LUC7L3: variants seen among roughly 807,000 people sequenced by gnomAD.
LUC7L3 encodes the protein LUC7 like 3 pre-mRNA splicing factor, also known as luc7-like protein 3.
Under a neutral mutation model 66.8 loss-of-function variants are expected in LUC7L3, and 6 were observed. The observed-to-expected ratio is 0.09, with a 90% confidence interval of 0.05 to 0.18. The LOEUF is 0.18. Ranked by LOEUF, LUC7L3 falls within the 10% of genes least tolerant of loss-of-function variation. LUC7L3 has a pLI of 1.00. For synonymous variants in LUC7L3, 160 were observed against 174.7 expected, an observed-to-expected ratio of 0.92 and a Z score of 0.66; for missense variants, 341 against 531.1, an observed-to-expected ratio of 0.64 and a Z score of 3.52.
intron 1 of LUC7L3, 69 bp from the exon 2 acceptor site, chr17:50,736,891 T>A (rs540828700): frequency 4.5e-6 from 4 of 887,946 alleles, no homozygotes; most frequent in East Asian, 2.5e-5. Context: ...AAATAGTTAT[T>A]TGGCACCTTT....
chr17:50,730,322 A>G (rs1184748363), intron 1 of LUC7L3, among the ~76,000 whole-genome samples: 1 of 151,986 alleles, frequency 6.6e-6, no homozygotes, highest in African/African-American at 2.4e-5. Context: ...ACAGGCCAGG[A>G]GTTCGAGATC....
intron 5 of LUC7L3, 108 bp downstream of exon 5, chr17:50,741,839 C>A: frequency 1.3e-6 from 1 of 779,684 alleles, no homozygotes. Context: ...AATCCCAGCA[C>A]TTTGGGAGGC....
chr17:50,723,240 C>G (rs190603060), intron 1 of LUC7L3: 7 of 152,280 alleles, frequency 4.6e-5, no homozygotes, highest in Admixed American at 1.3e-4. Context: ...AACACTGATT[C>G]TAATATCTGA....
rs1971035599 is a variant in LUC7L3 at position 50,752,815 on chromosome 17, A to C, written c.*2154A>C. On this transcript the variant is annotated 3_prime_UTR_variant, in exon 10 of 10. Transcript: ENST00000505658. ...TAAGACTAATTTTTATAGACTTTCT[A>C]ATGTTTTAAATAATGGTGCTTCAAT... The C allele has an allele frequency of 1.3e-5, 2 of 152,202 alleles. No individual in the cohort carries two copies. The highest frequency in any genetic ancestry group is 4.8e-5 in the African/African-American group (2 of 41,460). 9.4% of individuals were successfully genotyped at this position (152,202 alleles called of 1,614,324 possible).
intron 1 of LUC7L3, among the ~76,000 whole-genome samples, chr17:50,731,237 C>A (rs1039583937): frequency 1.3e-5 from 2 of 152,158 alleles, no homozygotes; most frequent in South Asian, 4.1e-4. Flanking sequence ...GGTGCGATCT[C>A]AGCTAACTGC....
In LUC7L3 at chr17:50,743,231, C is replaced by T. The variant is rs555453917; in HGVS notation, c.427-475C>T. On this transcript the variant is annotated intron_variant, in intron 5 of 9. Transcript: ENST00000505658. Reference sequence around the variant, plus strand: ...TTTTAAAAAAAAAAACAGAGTCTCACGTCATCATCCAGGCTGGAGTGCAGT... The same window carrying T: ...TTTTAAAAAAAAAAACAGAGTCTCATGTCATCATCCAGGCTGGAGTGCAGT... Among the ~76,000 whole-genome samples the T allele has an allele frequency of 9.4e-4, 143 of 151,930 alleles. 1 individual carries two copies. The highest frequency in any genetic ancestry group is 3.3e-3 in the African/African-American group (137 of 41,440).
Position 50,737,042 on chromosome 17 carries a change from G to T in LUC7L3, c.166+16G>T, listed in dbSNP as rs770333107. 2 of 1,581,218 alleles carry T rather than the reference G, an allele frequency of 1.3e-6. No individual in the cohort carries two copies. Among genetic ancestry groups the T allele is most frequent in the Non-Finnish European group, 1.7e-6 (2 of 1,157,100 alleles). ...TCTGATCTTGGTAAGTGAATTTTCT[G>T]TGTAACTTTTATCAAATTTATGATA... On this transcript the variant is annotated intron_variant, in intron 2 of 9. Transcript: ENST00000505658.
chr17:50,747,163 A>G (rs1305789528), intron 9 of LUC7L3, among the ~76,000 whole-genome samples: 1 of 150,886 alleles, frequency 6.6e-6, no homozygotes, highest in Non-Finnish European at 1.5e-5. Flanking sequence ...AATTGCTTAC[A>G]TGTGTCTTAC....
chr17:50,735,240 A>AG (rs1480493065), intron 1 of LUC7L3, among the ~76,000 whole-genome samples: 8 of 76,114 alleles, frequency 1.1e-4, no homozygotes, highest in African/African-American at 9.1e-4. Flanking sequence ...CAAAAAAAAA[A>AG]AAAAAGAAAA....
intron 1 of LUC7L3, among the ~76,000 whole-genome samples, chr17:50,735,247 A>AAAAAG (rs1491285822): frequency 1.5e-5 from 1 of 67,834 alleles, no homozygotes; most frequent in Non-Finnish European, 2.6e-5. Context: ...AAAAAAAAAG[A>AAAAAG]AAAAAAAAAC....
chr17:50,720,569 G>A (rs931191945), intron 1 of LUC7L3, among the ~76,000 whole-genome samples: 3 of 152,170 alleles, frequency 2.0e-5, no homozygotes, highest in African/African-American at 7.2e-5. Flanking sequence ...TATGAAACTG[G>A]TTCTCTGCAC....
intron 1 of LUC7L3, among the ~76,000 whole-genome samples, chr17:50,729,908 A>G (rs780636875): frequency 1.8e-3 from 40 of 21,654 alleles, no homozygotes; most frequent in Non-Finnish European, 2.2e-3. Context: ...ATATATATAT[A>G]TATATATATA....
At chr17:50,747,095 A>G (rs979611074) in intron 9 of LUC7L3, among the ~76,000 whole-genome samples, 1 of 152,060 alleles carries the variant, frequency 6.6e-6, no homozygotes, top group Non-Finnish European at 1.5e-5. Context: ...TGTTGCATTA[A>G]TCTTCATTTG....
At chr17:50,728,601 G>A (rs1055679527) in intron 1 of LUC7L3, among the ~76,000 whole-genome samples, 4 of 152,130 alleles carry the variant, frequency 2.6e-5, no homozygotes, top group African/African-American at 9.7e-5. Flanking sequence ...TGTCTAGGCC[G>A]GAGTGCAGTG....
Position 50,751,291 on chromosome 17 carries a change from A to G in LUC7L3, c.*630A>G. On this transcript the variant is annotated 3_prime_UTR_variant, in exon 10 of 10. Transcript: ENST00000505658. The stretch of plus-strand genomic sequence containing the variant: ...TTATTGCAGCTGACTACCATACCTC[A>G]CACAGCGTTGGTGTTGTGAGCGGCC... 1 of 1,322,352 alleles carries G rather than the reference A, an allele frequency of 7.6e-7. No homozygotes were observed. The highest frequency in any genetic ancestry group is 9.9e-7 in the Non-Finnish European group (1 of 1,010,948). 81.9% of individuals were successfully genotyped at this position (1,322,352 alleles called of 1,614,324 possible).
intron 1 of LUC7L3, among the ~76,000 whole-genome samples, chr17:50,728,010 C>CGAGAGGCT (rs927011963): frequency 1.3e-5 from 2 of 150,922 alleles, no homozygotes; most frequent in Non-Finnish European, 2.9e-5. Flanking sequence ...CCCAGCTACT[C>CGAGAGGCT]GAGAGGCTGA....
At chr17:50,731,411 G>T (rs1330887992) in intron 1 of LUC7L3, among the ~76,000 whole-genome samples, 2 of 151,940 alleles carry the variant, frequency 1.3e-5, no homozygotes, top group Non-Finnish European at 2.9e-5. Context: ...CAGGTGATCC[G>T]CCTGCCTCCG....
chr17:50,730,056 C>G (rs1248697524), intron 1 of LUC7L3, among the ~76,000 whole-genome samples: 2 of 151,000 alleles, frequency 1.3e-5, no homozygotes, highest in African/African-American at 4.9e-5. Flanking sequence ...TGGGCTCTAG[C>G]AGTCCTCCCA....
At position 50,754,519 on chromosome 17, in the gene LUC7L3, T is replaced by C. The variant is rs1332007702; in HGVS notation, c.*3858T>C. The C allele has an allele frequency of 6.6e-6, 1 of 152,242 alleles. No homozygotes were observed. The highest frequency in any genetic ancestry group is 1.9e-4 in the East Asian group (1 of 5,198). 9.4% of individuals were successfully genotyped at this position (152,242 alleles called of 1,614,324 possible). A position where few individuals can be genotyped will look rare whatever the true frequency, so the allele number is the denominator to read the frequency against. On this transcript the variant is annotated 3_prime_UTR_variant, in exon 10 of 10. Transcript: ENST00000505658. ...TAAACTTTTGTTGGTCATCAAACTA[T>C]ATTAGCACTGGTCCAATAGTTTAAT...
Sources: gnomAD v4.1 joint callset for allele counts (sites outside exome capture counted in the v4.1 genomes callset) on GRCh38, gnomAD v4.1.1 for gene constraint, MANE v1.5 for transcripts, NCBI Gene and HGNC (gene_info 2026-07-23, HGNC 2026-07-21) for gene names.